Variants in SOX6 observed in about 807,000 individuals in gnomAD.
SOX6 encodes SRY-box transcription factor 6.
In SOX6, 11 loss-of-function variants were observed where a neutral mutation model predicts 97.8. The ratio of observed to expected loss-of-function variants is 0.11; its 90% CI spans 0.07 to 0.19. The LOEUF is 0.19. SOX6 is among the 10% of genes least tolerant of loss of function. The probability of loss-of-function intolerance (pLI) is 1.00; values close to 1 mark genes in which losing one functional copy is unlikely to be tolerated. For synonymous variants in SOX6, 360 were observed against 371.4 expected, an observed-to-expected ratio of 0.97 and a Z score of 0.35; for missense variants, 810 against 1,039.5, an observed-to-expected ratio of 0.78 and a Z score of 3.04.
At chr11:16,371,823 C>T (rs1159211449) in intron 1 of SOX6, among the ~76,000 whole-genome samples, 1 of 152,092 alleles carries the variant, frequency 6.6e-6, no homozygotes, top group Non-Finnish European at 1.5e-5. Flanking sequence ...GTAGAATTTT[C>T]TACTTCTGGC....
At chr11:16,430,076 G>C (rs1859245599) in intron 1 of SOX6, among the ~76,000 whole-genome samples, 2 of 152,196 alleles carry the variant, frequency 1.3e-5, no homozygotes, top group Non-Finnish European at 2.9e-5. Context: ...GGCTCTCTGA[G>C]CTTTGGCCTC....
intron 3 of SOX6, among the ~76,000 whole-genome samples, chr11:16,240,139 T>C (rs1853140898): frequency 2.0e-5 from 3 of 152,036 alleles, no homozygotes; most frequent in Non-Finnish European, 2.9e-5. Context: ...GAGTAAAACA[T>C]GCATGATCGG....
chr11:16,474,628 A>G (rs1456411563), intron 1 of SOX6, among the ~76,000 whole-genome samples: 1 of 152,174 alleles, frequency 6.6e-6, no homozygotes, highest in East Asian at 1.9e-4. Context: ...TAAAATACTC[A>G]GTAAACCATG....
Position 16,383,777 on chromosome 11 carries a change from T to C in SOX6, c.-4-42525A>G, listed in dbSNP as rs79843470. 4.6e-5 allele frequency among the ~76,000 whole-genome samples: 7 copies of C among 152,084 alleles called. 1 individual carries two copies. In the East Asian group the frequency reaches 1.4e-3, roughly 29 times the overall value. On this transcript the variant is annotated intron_variant, in intron 1 of 15. Coordinates refer to the SOX6 transcript ENST00000396356. ...AATGTTAGTTTTCCCTCTTTTCTTA[T>C]CTAATTTAACAGCCCATAGCCAAAT...
At chr11:16,262,212 C>T (rs1853922281) in intron 3 of SOX6, among the ~76,000 whole-genome samples, 1 of 152,054 alleles carries the variant, frequency 6.6e-6, no homozygotes. Flanking sequence ...AATGTGCGAA[C>T]ATAACTTCTT....
intron 6 of SOX6, among the ~76,000 whole-genome samples, chr11:16,152,556 T>A (rs1167936791): frequency 6.6e-6 from 1 of 152,228 alleles, no homozygotes; most frequent in Non-Finnish European, 1.5e-5. Flanking sequence ...TTACCATTAA[T>A]ACAGGCTACT....
At chr11:16,411,585 C>T (rs562270108) in intron 1 of SOX6, among the ~76,000 whole-genome samples, 2 of 152,150 alleles carry the variant, frequency 1.3e-5, no homozygotes, top group South Asian at 2.1e-4. Context: ...AATGGTCCAG[C>T]CTGTGCTTAA....
chr11:16,199,593 TTC>T (rs1217331451), intron 4 of SOX6, among the ~76,000 whole-genome samples: 1 of 152,194 alleles, frequency 6.6e-6, no homozygotes, highest in Non-Finnish European at 1.5e-5. Context: ...TCACATAGCC[TTC>T]AAGCCTTCTT....
chr11:16,169,898 C>G lies in SOX6; in HGVS notation c.777+13988G>C, dbSNP rs544148661. Reference sequence around the variant, plus strand: ...CTATTTCACAAAAAATTAAAATACACCCTTGTAATTTTAATGTGTGTTTAT... The same window carrying G: ...CTATTTCACAAAAAATTAAAATACAGCCTTGTAATTTTAATGTGTGTTTAT... On this transcript the variant is annotated intron_variant, in intron 6 of 15. Transcript: ENST00000683767. 2.8e-5 allele frequency among the ~76,000 whole-genome samples: 4 copies of G among 145,154 alleles called. No individual in the cohort carries two copies. In the South Asian group the frequency reaches 9.2e-4, roughly 33 times the overall value.
intron 4 of SOX6, among the ~76,000 whole-genome samples, chr11:16,492,830 A>G (rs947953049): frequency 1.6e-4 from 25 of 152,254 alleles, no homozygotes; most frequent in Admixed American, 2.6e-4. Flanking sequence ...ACGGATTCAT[A>G]AAAGAGGATT....
At chr11:16,121,514 A>G (rs1316224396) in intron 6 of SOX6, among the ~76,000 whole-genome samples, 1 of 151,988 alleles carries the variant, frequency 6.6e-6, no homozygotes, top group Non-Finnish European at 1.5e-5. Flanking sequence ...TTTTTCAGGT[A>G]GTGGTATTAG....
intron 9 of SOX6, among the ~76,000 whole-genome samples, chr11:16,066,623 T>C (rs1169120024): frequency 1.3e-5 from 2 of 152,208 alleles, no homozygotes; most frequent in African/African-American, 2.4e-5. Flanking sequence ...GAGGTCATTA[T>C]GCCAAGGGAA....
chr11:16,053,735 G>C (rs564787909), intron 10 of SOX6, among the ~76,000 whole-genome samples: 1 of 152,110 alleles, frequency 6.6e-6, no homozygotes, highest in African/African-American at 2.4e-5. Context: ...ATTTATTTTT[G>C]ATACTTTCAG....
intron 2 of SOX6, among the ~76,000 whole-genome samples, chr11:16,340,806 C>G (rs1856605182): frequency 6.6e-6 from 1 of 151,922 alleles, no homozygotes; most frequent in Non-Finnish European, 1.5e-5. Flanking sequence ...GCACATTGAC[C>G]TAATAATAAA....
intron 13 of SOX6, among the ~76,000 whole-genome samples, chr11:16,006,066 C>T (rs1040319387): frequency 2.6e-5 from 4 of 151,978 alleles, no homozygotes; most frequent in Non-Finnish European, 5.9e-5. Context: ...TACTTACTTG[C>T]ATCCAGGAGG....
intron 6 of SOX6, among the ~76,000 whole-genome samples, chr11:16,144,084 T>C (rs894340856): frequency 1.3e-5 from 2 of 152,172 alleles, no homozygotes; most frequent in Non-Finnish European, 2.9e-5. Flanking sequence ...ATTCCACAAT[T>C]GACCACATAG....
chr11:16,651,511 T>G (rs1847653293), intron 3 of SOX6, among the ~76,000 whole-genome samples: 1 of 151,952 alleles, frequency 6.6e-6, no homozygotes, highest in South Asian at 2.1e-4. Flanking sequence ...TAAGCAGAAC[T>G]AAAACAAAAA....
At chr11:16,499,794 G>T (rs1193036719) in intron 4 of SOX6, among the ~76,000 whole-genome samples, 1 of 152,088 alleles carries the variant, frequency 6.6e-6, no homozygotes, top group Non-Finnish European at 1.5e-5. Flanking sequence ...CCAATAACAG[G>T]CTCTGAAATT....
At chr11:16,391,319 C>T (rs1858175681) in intron 1 of SOX6, among the ~76,000 whole-genome samples, 1 of 151,982 alleles carries the variant, frequency 6.6e-6, no homozygotes, top group Non-Finnish European at 1.5e-5. Context: ...CACATGTAAC[C>T]CAGAACTTAA....
Sources: allele counts gnomAD v4.1 joint callset (sites outside exome capture counted in the v4.1 genomes callset), GRCh38; gene constraint gnomAD v4.1.1; transcripts MANE v1.5; gene names NCBI Gene and HGNC (gene_info 2026-07-23, HGNC 2026-07-21).